Variants in TMPRSS11D observed in about 807,000 individuals in gnomAD.
TMPRSS11D encodes the protein transmembrane protease serine 11D.
A neutral mutation model predicts 44.4 loss-of-function variants in TMPRSS11D; 32 were observed. That is an observed-to-expected ratio of 0.72 (90% CI 0.54 to 0.97). The LOEUF is 0.97. TMPRSS11D is among the 50% of genes least tolerant of loss of function. The pLI, the probability that TMPRSS11D is intolerant of heterozygous loss-of-function variation, is 0.00. For synonymous variants in TMPRSS11D, 179 were observed against 177.9 expected, an observed-to-expected ratio of 1.01 and a Z score of -0.05; for missense variants, 446 against 502.6, an observed-to-expected ratio of 0.89 and a Z score of 1.08.
intron 7 of TMPRSS11D, among the ~76,000 whole-genome samples, chr4:67,832,105 A>G (rs1194339980): frequency 2.6e-5 from 4 of 152,168 alleles, no homozygotes; most frequent in African/African-American, 9.7e-5. Context: ...ACTCATAGGT[A>G]GGGAAATGTA....
At chr4:67,829,792 A>G (rs1349042988) in intron 7 of TMPRSS11D, among the ~76,000 whole-genome samples, 1 of 152,102 alleles carries the variant, frequency 6.6e-6, no homozygotes, top group African/African-American at 2.4e-5. Flanking sequence ...AATCTGAGAA[A>G]TTAAAATTAT....
chr4:67,834,056 A>G (rs1397492053), intron 6 of TMPRSS11D, among the ~76,000 whole-genome samples: 1 of 152,208 alleles, frequency 6.6e-6, no homozygotes, highest in East Asian at 1.9e-4. Context: ...GTTTATTTAA[A>G]TGTTTTCAAA....
intron 7 of TMPRSS11D, among the ~76,000 whole-genome samples, chr4:67,828,630 A>G (rs1448236846): frequency 6.6e-6 from 1 of 152,186 alleles, no homozygotes; most frequent in Admixed American, 6.6e-5. Flanking sequence ...CGCCCAGATC[A>G]GCTGCACCCA....
At chr4:67,854,419 T>C (rs1290193189) in intron 2 of TMPRSS11D, among the ~76,000 whole-genome samples, 6 of 152,156 alleles carry the variant, frequency 3.9e-5, no homozygotes, top group Admixed American at 2.0e-4. Context: ...GTATTATTAT[T>C]TGAGAAATTA....
intron 3 of TMPRSS11D, among the ~76,000 whole-genome samples, chr4:67,851,902 A>T (rs1461681958): frequency 6.6e-6 from 1 of 152,010 alleles, no homozygotes; most frequent in Non-Finnish European, 1.5e-5. Context: ...CGCCTGGTGT[A>T]TCTCTGGTTT....
intron 2 of TMPRSS11D, among the ~76,000 whole-genome samples, chr4:67,857,052 A>C (rs1718655064): frequency 6.6e-6 from 1 of 152,092 alleles, no homozygotes; most frequent in African/African-American, 2.4e-5. Context: ...AAACTAGTGC[A>C]GCCATTATGG....
intron 7 of TMPRSS11D, 24 bp from the exon 8 acceptor site, chr4:67,827,544 A>G: frequency 6.4e-7 from 1 of 1,557,654 alleles, no homozygotes; most frequent in Non-Finnish European, 8.7e-7. Flanking sequence ...AAAACATGCT[A>G]TATGAGTAGG....
chr4:67,836,050 T>C (rs1413510268), intron 5 of TMPRSS11D, among the ~76,000 whole-genome samples: 1 of 152,166 alleles, frequency 6.6e-6, no homozygotes, highest in Non-Finnish European at 1.5e-5. Flanking sequence ...TATATCCTTT[T>C]AGTAAAATGA....
intron 3 of TMPRSS11D, among the ~76,000 whole-genome samples, chr4:67,851,318 A>G (rs1405151826): frequency 6.6e-5 from 10 of 152,214 alleles, no homozygotes; most frequent in African/African-American, 2.4e-4. Flanking sequence ...TATACTCCCA[A>G]ACAACTGGGG....
Position 67,821,509 on chromosome 4 carries a change from AATT to A in TMPRSS11D, c.*825_*827del, listed in dbSNP as rs1432443929. ...CGATGATTAAATTTTTCATTCTTAA[AATT>A]ATTATTTTGTTGTTAAAAAGTACTA... On this transcript the variant is annotated 3_prime_UTR_variant, in exon 10 of 10. Transcript: ENST00000283916. 1 of 152,130 alleles carries A rather than the reference AATT, an allele frequency of 6.6e-6. No homozygotes were observed. Among genetic ancestry groups the A allele is most frequent in the Non-Finnish European group, 1.5e-5 (1 of 68,024 alleles). 9.4% of individuals were successfully genotyped at this position (152,130 alleles called of 1,614,324 possible).
chr4:67,855,950 A>G (rs1718624800), intron 2 of TMPRSS11D, among the ~76,000 whole-genome samples: 1 of 152,162 alleles, frequency 6.6e-6, no homozygotes, highest in African/African-American at 2.4e-5. Context: ...TCCATCTTCT[A>G]CAAGGACAAC....
chr4:67,871,237 T>C (rs532696964), intron 1 of TMPRSS11D, among the ~76,000 whole-genome samples: 1 of 152,286 alleles, frequency 6.6e-6, no homozygotes, highest in African/African-American at 2.4e-5. Context: ...AGAAGACTTA[T>C]TTAAAGAAAC....
Position 67,827,157 on chromosome 4 carries a change from A to G in TMPRSS11D, c.952+104T>C, listed in dbSNP as rs188752740. 3.5e-6 allele frequency: 5 copies of G among 1,431,318 alleles called. No homozygotes were observed. In the Admixed American group the frequency reaches 9.4e-5, roughly 27 times the overall value. The allele number at this position is 1,431,318 out of a possible 1,614,324, so 88.7% of individuals were successfully genotyped here. On this transcript the variant is annotated intron_variant, in intron 8 of 9. Transcript: ENST00000283916. ...CAGAATATAGAATGGTTCTGTCTGTAGAAGAATAGAAACACCTATTCCAGA... is the reference window on the plus strand; with the variant it reads ...CAGAATATAGAATGGTTCTGTCTGTGGAAGAATAGAAACACCTATTCCAGA...
chr4:67,839,867 T>C (rs376275303), intron 4 of TMPRSS11D, among the ~76,000 whole-genome samples: 102 of 151,950 alleles, frequency 6.7e-4, no homozygotes, highest in Non-Finnish European at 1.1e-3. Flanking sequence ...TTTTAGGGTA[T>C]ATGTGCACAA....
At chr4:67,880,520 A>T (rs1719296810) in intron 1 of TMPRSS11D, among the ~76,000 whole-genome samples, 1 of 152,166 alleles carries the variant, frequency 6.6e-6, no homozygotes, top group South Asian at 2.1e-4. Flanking sequence ...ATCTTAATTT[A>T]TTCTTGCACT....
chr4:67,872,137 G>A (rs1248608094), intron 1 of TMPRSS11D, among the ~76,000 whole-genome samples: 1 of 152,074 alleles, frequency 6.6e-6, no homozygotes, highest in Non-Finnish European at 1.5e-5. Flanking sequence ...CATTCATAGA[G>A]CCATGAAGCC....
intron 9 of TMPRSS11D, among the ~76,000 whole-genome samples, chr4:67,823,090 A>G (rs913364541): frequency 6.6e-6 from 1 of 152,180 alleles, no homozygotes; most frequent in Admixed American, 6.5e-5. Context: ...ACGAAAGAGA[A>G]CATACCTATT....
intron 3 of TMPRSS11D, among the ~76,000 whole-genome samples, chr4:67,843,136 A>G (rs1195285700): frequency 1.4e-5 from 2 of 138,490 alleles, no homozygotes; most frequent in Non-Finnish European, 3.1e-5. Context: ...GTCATTTCTA[A>G]TTCATACCTA....
chr4:67,829,781 T>G lies in TMPRSS11D; in HGVS notation c.693-2261A>C, dbSNP rs113070463. On this transcript the variant is annotated intron_variant, in intron 7 of 9. Transcript: ENST00000283916. ...ATATATGAAAAGATACTCAAACTAG[T>G]AATCTGAGAAATTAAAATTATAAAA... Among the ~76,000 whole-genome samples, 710 of 152,160 alleles carry G rather than the reference T, an allele frequency of 4.7e-3. 1 individual carries two copies. Among genetic ancestry groups the G allele is most frequent in the Middle Eastern group, 0.037 (11 of 294 alleles).
Sources: gnomAD v4.1 joint callset for allele counts (sites outside exome capture counted in the v4.1 genomes callset) on GRCh38, gnomAD v4.1.1 for gene constraint, MANE v1.5 for transcripts, NCBI Gene and HGNC (gene_info 2026-07-23, HGNC 2026-07-21) for gene names.